ASTN2: variants seen among roughly 807,000 people sequenced by gnomAD.
ASTN2 encodes astrotactin-2.
ASTN2 carries 54 observed loss-of-function variants against 139.8 expected under a neutral mutation model. That is an observed-to-expected ratio of 0.39 (90% CI 0.31 to 0.48). The LOEUF is 0.48. ASTN2 is among the 20% of genes least tolerant of loss of function. ASTN2 has a pLI of 0.95. For missense variants in ASTN2, 1,565 were observed against 1,725.1 expected (o/e 0.91, Z 1.64); for synonymous variants, 756 against 719.5 (o/e 1.05, Z -0.81).
At position 116,620,341 on chromosome 9, in the gene ASTN2, G is replaced by T. The variant is rs752257312; in HGVS notation, c.3175C>A (p.Leu1059Ile). Residue 1059 changes from leucine (L) to isoleucine (I), a missense_variant, in exon 18 of 23, where the codon CTC (leucine) becomes ATC (isoleucine). Around this residue, in one of 4 missense-constraint regions of ASTN2, gnomAD observed 418 missense variants for 465.8 expected, o/e 0.90. Coordinates refer to ENST00000313400, the MANE Select transcript of ASTN2 (RefSeq NM_001365068.1). Reference protein sequence around the residue: ...CDLSAFDANGLPNCSPLLQPV... With the variant: ...CDLSAFDANGIPNCSPLLQPV... Reference sequence around the variant, plus strand: ...TGCAGAAGGGGGCTGCAGTTGGGGAGCCCATTGGCATCAAAGGCGCTGAGG... The same window carrying T: ...TGCAGAAGGGGGCTGCAGTTGGGGATCCCATTGGCATCAAAGGCGCTGAGG... 5 of 1,614,118 alleles carry T rather than the reference G, an allele frequency of 3.1e-6. No homozygotes were observed. Among genetic ancestry groups the T allele is most frequent in the Non-Finnish European group, 4.2e-6 (5 of 1,180,024 alleles).
rs1193853696 is a variant in ASTN2 at position 116,698,045 on chromosome 9, G to C, written c.2806+27726C>G. 1 of 1,613,860 alleles carries C rather than the reference G, an allele frequency of 6.2e-7. No individual in the cohort carries two copies. Among genetic ancestry groups the C allele is most frequent in the Non-Finnish European group, 8.5e-7 (1 of 1,180,036 alleles). On this transcript the variant is annotated intron_variant, in intron 16 of 22. Transcript: ENST00000313400. The surrounding 1 kb of genome is among the most constrained non-coding windows in gnomAD (Gnocchi z 4.4). ...AGGCTGTGGGGCTGCTCATGTGTCG[G>C]TCCTGTGGGCGGCGTCTGCCCCGGC...
chr9:117,238,178 A>T (rs1833101362), intron 2 of ASTN2, among the ~76,000 whole-genome samples: 1 of 152,142 alleles, frequency 6.6e-6, no homozygotes, highest in Non-Finnish European at 1.5e-5. Context: ...CCACTTGTGG[A>T]GGCTCAGGCT....
chr9:116,738,284 T>C (rs578094955), intron 13 of ASTN2, among the ~76,000 whole-genome samples: 52 of 151,784 alleles, frequency 3.4e-4, no homozygotes, highest in African/African-American at 1.2e-3. Flanking sequence ...AAAGATCCCC[T>C]GAGGTCAGGA....
chr9:116,577,960 G>A (rs576497687), intron 19 of ASTN2, among the ~76,000 whole-genome samples: 1 of 152,206 alleles, frequency 6.6e-6, no homozygotes, highest in South Asian at 2.1e-4. Context: ...GGAGATCATT[G>A]GGGGATGCAA....
At chr9:117,076,342 T>C (rs1416764692) in intron 5 of ASTN2, among the ~76,000 whole-genome samples, 2 of 151,672 alleles carry the variant, frequency 1.3e-5, no homozygotes, top group Non-Finnish European at 2.9e-5. Flanking sequence ...GCAGAATGCC[T>C]GGCACACTGT....
intron 1 of ASTN2, among the ~76,000 whole-genome samples, chr9:117,380,582 C>T (rs1209149406): frequency 1.4e-5 from 2 of 139,532 alleles, no homozygotes; most frequent in African/African-American, 5.4e-5. Flanking sequence ...TCCAGCCTGG[C>T]AACAGAGCAA....
At chr9:117,249,680 C>T (rs78402490) in intron 2 of ASTN2, among the ~76,000 whole-genome samples, 42 of 146,156 alleles carry the variant, frequency 2.9e-4, no homozygotes, top group African/African-American at 9.3e-4. Context: ...GACATGAAAA[C>T]CACTGACATT....
At chr9:116,636,118 G>C (rs865798021) in intron 17 of ASTN2, among the ~76,000 whole-genome samples, 1 of 152,100 alleles carries the variant, frequency 6.6e-6, no homozygotes, top group Non-Finnish European at 1.5e-5. Context: ...ACAAACAAGG[G>C]TTTAAATCTT....
chr9:117,382,511 A>C (rs1206661698), intron 1 of ASTN2, among the ~76,000 whole-genome samples: 1 of 152,224 alleles, frequency 6.6e-6, no homozygotes, highest in Non-Finnish European at 1.5e-5. Flanking sequence ...GCCCAAATGC[A>C]CAGAGGTGGT....
intron 11 of ASTN2, among the ~76,000 whole-genome samples, chr9:116,832,306 T>C (rs1198857618): frequency 1.3e-5 from 2 of 152,172 alleles, no homozygotes; most frequent in African/African-American, 4.8e-5. Context: ...TCTTATAGTC[T>C]TATTTCTTCC....
At chr9:117,279,729 TAATAA>T (rs1275565020) in intron 2 of ASTN2, among the ~76,000 whole-genome samples, 1 of 152,222 alleles carries the variant, frequency 6.6e-6, no homozygotes, top group African/African-American at 2.4e-5. Context: ...TTCATAACTA[TAATAA>T]AATAATGAAT....
At chr9:117,074,488 A>G (rs1479566280) in intron 5 of ASTN2, among the ~76,000 whole-genome samples, 1 of 152,230 alleles carries the variant, frequency 6.6e-6, no homozygotes, top group African/African-American at 2.4e-5. Context: ...GGAACAGCCC[A>G]GCATATACTA....
intron 11 of ASTN2, among the ~76,000 whole-genome samples, chr9:116,843,123 A>G (rs1472011281): frequency 2.0e-5 from 3 of 152,180 alleles, no homozygotes; most frequent in Non-Finnish European, 2.9e-5. Flanking sequence ...CGTTCTACCA[A>G]AAAGACACAC....
chr9:116,782,147 G>GA (rs930276302), intron 13 of ASTN2, among the ~76,000 whole-genome samples: 8 of 152,158 alleles, frequency 5.3e-5, no homozygotes, highest in Admixed American at 3.9e-4. Flanking sequence ...AGGGAGAGAG[G>GA]AAAAAATCAT....
At chr9:117,040,210 G>C (rs1588502785) in intron 5 of ASTN2, among the ~76,000 whole-genome samples, 2 of 152,158 alleles carry the variant, frequency 1.3e-5, no homozygotes, top group Non-Finnish European at 1.5e-5. Flanking sequence ...AAAGAAACAG[G>C]CTTTCTGAAA....
At chr9:117,143,825 A>G (rs1050689958) in intron 3 of ASTN2, among the ~76,000 whole-genome samples, 2 of 151,690 alleles carry the variant, frequency 1.3e-5, no homozygotes, top group African/African-American at 4.8e-5. Flanking sequence ...AGAAAAAAAA[A>G]ACCTCTCCCT....
intron 19 of ASTN2, chr9:116,568,357 A>T (rs1301963505): frequency 6.6e-6 from 1 of 152,170 alleles, no homozygotes; most frequent in Non-Finnish European, 1.5e-5. Context: ...TAAATTTTTA[A>T]ATTTTAATTT....
At chr9:116,708,680 A>C (rs10983313) in intron 16 of ASTN2, among the ~76,000 whole-genome samples, 18,730 of 152,154 alleles carry the variant, frequency 0.12, 1,602 homozygotes, top group East Asian at 0.4. Flanking sequence ...ACCTTGGATA[A>C]ATTCCTGAAA....
At position 117,194,998 on chromosome 9, in the gene ASTN2, C is replaced by T. The variant is rs563721900; in HGVS notation, c.1015+19360G>A. 2.6e-5 allele frequency among the ~76,000 whole-genome samples: 4 copies of T among 152,250 alleles called. No individual in the cohort carries two copies. In the South Asian group the frequency reaches 8.3e-4, roughly 32 times the overall value. ...TTCATTCACTCATTTATTCCTCTAT[C>T]CACTGACCCAGCATATTTATTAACA... On this transcript the variant is annotated intron_variant, in intron 3 of 22. Coordinates refer to ENST00000313400, the MANE Select transcript of ASTN2 (RefSeq NM_001365068.1).
Sources: allele counts gnomAD v4.1 joint callset (sites outside exome capture counted in the v4.1 genomes callset), GRCh38; gene constraint gnomAD v4.1.1; regional missense constraint gnomAD v4.1.1; non-coding constraint Gnocchi (gnomAD v3.1); transcripts MANE v1.5; gene names NCBI Gene and HGNC (gene_info 2026-07-23, HGNC 2026-07-21).